COX7B2: variants seen among roughly 807,000 people sequenced by gnomAD.
The protein encoded by COX7B2 is cytochrome c oxidase subunit 7B2, mitochondrial.
For missense variants in COX7B2, 109 were observed against 95.9 expected (o/e 1.14, Z -0.57); for synonymous variants, 37 against 32.1 (o/e 1.15, Z -0.51).
intron 1 of COX7B2, among the ~76,000 whole-genome samples, chr4:46,850,145 T>TGAA: frequency 2.6e-5 from 4 of 151,644 alleles, no homozygotes; most frequent in African/African-American, 9.7e-5. Context: ...AGATACTGAT[T>TGAA]TAAAAATGAT....
intron 2 of COX7B2, among the ~76,000 whole-genome samples, chr4:46,835,722 T>A (rs1475436442): frequency 6.6e-6 from 1 of 152,136 alleles, no homozygotes; most frequent in Non-Finnish European, 1.5e-5. Flanking sequence ...TGAAAAAATA[T>A]AAATAAGTGA....
chr4:46,812,460 G>A (rs1340097188), intron 2 of COX7B2, among the ~76,000 whole-genome samples: 2 of 152,152 alleles, frequency 1.3e-5, no homozygotes, highest in Non-Finnish European at 1.5e-5. Flanking sequence ...GGGCACACTG[G>A]CAGGTGGGCT....
intron 2 of COX7B2, among the ~76,000 whole-genome samples, chr4:46,804,378 A>G (rs1718860380): frequency 6.6e-6 from 1 of 152,102 alleles, no homozygotes. Flanking sequence ...CTCCACCCAC[A>G]TCCTGCTGAT....
chr4:46,740,702 G>T (rs1165895830), intron 2 of COX7B2, among the ~76,000 whole-genome samples: 1 of 151,842 alleles, frequency 6.6e-6, no homozygotes, highest in Non-Finnish European at 1.5e-5. Context: ...TAATGAAAAA[G>T]AAAATAATGA....
intron 2 of COX7B2, among the ~76,000 whole-genome samples, chr4:46,799,253 G>A (rs1044024276): frequency 4.6e-5 from 7 of 152,232 alleles, no homozygotes; most frequent in African/African-American, 1.7e-4. Context: ...CGATCTAGGA[G>A]GCTTTGGGCA....
chr4:46,825,819 C>G (rs1043569437), intron 2 of COX7B2, among the ~76,000 whole-genome samples: 5 of 152,134 alleles, frequency 3.3e-5, no homozygotes, highest in Admixed American at 2.6e-4. Flanking sequence ...GGATAACTGA[C>G]TAGCCATATG....
intron 2 of COX7B2, among the ~76,000 whole-genome samples, chr4:46,807,642 G>T (rs1216648894): frequency 6.6e-6 from 1 of 151,702 alleles, no homozygotes; most frequent in Non-Finnish European, 1.5e-5. Flanking sequence ...TATGGTTTTG[G>T]TCTTATATTT....
rs562418056 is a variant in COX7B2, at chr4:46,782,054, G to A, written c.-49-46813C>T. ...GGGCTGAGGAGTACGGGCACGTGGC[G>A]CGGACTGGTGGGCAGCTCTGCCCAT... On this transcript the variant is annotated intron_variant, in intron 2 of 2. Coordinates refer to ENST00000355591, the MANE Select transcript of COX7B2 (RefSeq NM_130902.3). 4.5e-4 allele frequency among the ~76,000 whole-genome samples: 69 copies of A among 152,266 alleles called. 1 individual carries two copies. In the East Asian group the frequency reaches 7.4e-3, roughly 16 times the overall value.
chr4:46,842,692 G>C (rs531379463), intron 2 of COX7B2, among the ~76,000 whole-genome samples: 1 of 152,034 alleles, frequency 6.6e-6, no homozygotes, highest in South Asian at 2.1e-4. Flanking sequence ...GAGAATGATG[G>C]TTTCCAGTTT....
intron 2 of COX7B2, among the ~76,000 whole-genome samples, chr4:46,813,625 T>C (rs1196839867): frequency 6.6e-6 from 1 of 152,120 alleles, no homozygotes; most frequent in Non-Finnish European, 1.5e-5. Flanking sequence ...AAAACCTAGA[T>C]AACGGGTTGA....
At chr4:46,906,467 G>A (rs1254890100) in intron 1 of COX7B2, among the ~76,000 whole-genome samples, 1 of 152,076 alleles carries the variant, frequency 6.6e-6, no homozygotes, top group Non-Finnish European at 1.5e-5. Context: ...CTATCTTTCA[G>A]AAAGTTTTAA....
chr4:46,756,045 T>C (rs1351231513), intron 2 of COX7B2, among the ~76,000 whole-genome samples: 1 of 151,964 alleles, frequency 6.6e-6, no homozygotes, highest in Admixed American at 6.6e-5. Flanking sequence ...GGCATCACAT[T>C]CTCTGACTTC....
chr4:46,757,743 C>T (rs1242521685), intron 2 of COX7B2, among the ~76,000 whole-genome samples: 1 of 152,016 alleles, frequency 6.6e-6, no homozygotes, highest in Non-Finnish European at 1.5e-5. Flanking sequence ...CTGTCTTATC[C>T]ACTGCTGTTC....
At chr4:46,784,990 T>C (rs78330979) in intron 2 of COX7B2, among the ~76,000 whole-genome samples, 3,294 of 152,328 alleles carry the variant, frequency 0.022, 79 homozygotes, top group Admixed American at 0.071. Flanking sequence ...TCATAATAAG[T>C]TTAAGGCACA....
At chr4:46,839,814 A>T (rs1191519921) in intron 2 of COX7B2, among the ~76,000 whole-genome samples, 4 of 152,058 alleles carry the variant, frequency 2.6e-5, no homozygotes, top group Non-Finnish European at 4.4e-5. Context: ...GTCAATACTT[A>T]TATCTTAGTG....
chr4:46,863,590 T>G (rs1479236632), intron 1 of COX7B2, among the ~76,000 whole-genome samples: 3 of 152,204 alleles, frequency 2.0e-5, no homozygotes, highest in Admixed American at 6.5e-5. Flanking sequence ...CTGTTCCTTT[T>G]AAAACTTCTC....
chr4:46,776,412 G>A (rs1469281325), intron 2 of COX7B2, among the ~76,000 whole-genome samples: 1 of 151,790 alleles, frequency 6.6e-6, no homozygotes, highest in Non-Finnish European at 1.5e-5. Flanking sequence ...GTGTGTGTGT[G>A]TGTGTGTGTG....
chr4:46,808,783 T>C lies in COX7B2; in HGVS notation c.-50+36177A>G, dbSNP rs143394651. The stretch of plus-strand genomic sequence containing the variant: ...TACACCAGTGCTTTTTCTGCATCAA[T>C]TGAGATGATCACGTGGTTTATATCT... On this transcript the variant is annotated intron_variant, in intron 2 of 2. Coordinates refer to ENST00000355591, the MANE Select transcript of COX7B2 (RefSeq NM_130902.3). 5.6e-3 allele frequency among the ~76,000 whole-genome samples: 855 copies of C among 152,054 alleles called. 6 individuals are homozygous for C. The highest frequency in any genetic ancestry group is 0.02 in the African/African-American group (823 of 41,564).
intron 2 of COX7B2, among the ~76,000 whole-genome samples, chr4:46,739,057 G>A (rs896002292): frequency 3.9e-5 from 6 of 152,148 alleles, no homozygotes; most frequent in Non-Finnish European, 7.4e-5. Context: ...ATTTCAAATC[G>A]CTGAAGGCTA....
Sources: gnomAD v4.1 joint callset for allele counts (sites outside exome capture counted in the v4.1 genomes callset) on GRCh38, gnomAD v4.1.1 for gene constraint, MANE v1.5 for transcripts, NCBI Gene and HGNC (gene_info 2026-07-23, HGNC 2026-07-21) for gene names.